Variants in GALNT2 observed in about 807,000 individuals in gnomAD.
GALNT2 encodes the protein polypeptide N-acetylgalactosaminyltransferase 2, also known as UDP-GalNAc:polypeptide N-acetylgalactosaminyltransferase 2.
In GALNT2, 31 loss-of-function variants were observed where a neutral mutation model predicts 81.4. The observed-to-expected ratio is 0.38, with a 90% CI of 0.29 to 0.51. GALNT2 has a LOEUF of 0.51. Ranked by LOEUF, GALNT2 falls within the 20% of genes least tolerant of loss-of-function variation. The pLI, the probability that GALNT2 is intolerant of heterozygous loss-of-function variation, is 0.87. For synonymous variants in GALNT2, 303 were observed against 287.4 expected (o/e 1.05, Z -0.55); for missense variants, 629 against 765.7 (o/e 0.82, Z 2.11).
intron 10 of GALNT2, among the ~76,000 whole-genome samples, 153 bp downstream of exon 10, chr1:230,250,713 C>G (rs191710101): frequency 4.6e-5 from 7 of 152,268 alleles, no homozygotes; most frequent in Non-Finnish European, 4.4e-5. Flanking sequence ...CCCTTTTGCT[C>G]TTGAAAGTCT....
At chr1:230,253,814 A>G (rs2102751680) in intron 10 of GALNT2, among the ~76,000 whole-genome samples, 1 of 152,316 alleles carries the variant, frequency 6.6e-6, no homozygotes, top group South Asian at 2.1e-4. Flanking sequence ...TATCCTTGAA[A>G]AAATCCCTAC....
chr1:230,103,719 A>G lies in GALNT2; in HGVS notation c.126+36313A>G, dbSNP rs940751714. 1.0e-4 allele frequency among the ~76,000 whole-genome samples: 14 copies of G among 140,698 alleles called. 2 individuals carry two copies. The highest frequency in any genetic ancestry group is 9.7e-4 in the Admixed American group (14 of 14,430). The allele number at this position is 140,698 out of a possible 152,430, so 92.3% of individuals were successfully genotyped here. A position where few individuals can be genotyped will look rare whatever the true frequency, so the allele number is the denominator to read the frequency against. On this transcript the variant is annotated intron_variant, in intron 1 of 15. Coordinates refer to ENST00000366672, the MANE Select transcript of GALNT2 (RefSeq NM_004481.5). ...CCATCCCTCCAAAACCACACACACAAAGCCAAAAGGAAAAAAAAAAAGCAC... is the reference window on the plus strand; with the variant it reads ...CCATCCCTCCAAAACCACACACACAGAGCCAAAAGGAAAAAAAAAAAGCAC...
chr1:230,247,224 C>T (rs1333342701), intron 8 of GALNT2, among the ~76,000 whole-genome samples: 1 of 152,160 alleles, frequency 6.6e-6, no homozygotes, highest in Non-Finnish European at 1.5e-5. Flanking sequence ...CTTATTCATA[C>T]ACACACACAT....
intron 1 of GALNT2, among the ~76,000 whole-genome samples, chr1:230,094,263 G>A (rs1660178912): frequency 7.1e-6 from 1 of 141,044 alleles, no homozygotes; most frequent in African/African-American, 2.7e-5. Flanking sequence ...CTCCCACCTT[G>A]GCCTCTTAAA....
At chr1:230,229,805 C>G (rs547422699) in intron 3 of GALNT2, among the ~76,000 whole-genome samples, 1 of 152,166 alleles carries the variant, frequency 6.6e-6, no homozygotes, top group African/African-American at 2.4e-5. Context: ...ACAGTGCCAT[C>G]CCTGCAAACT....
chr1:230,220,126 A>G (rs971611479), intron 3 of GALNT2, among the ~76,000 whole-genome samples: 2 of 152,212 alleles, frequency 1.3e-5, no homozygotes, highest in East Asian at 1.9e-4. Flanking sequence ...CTTGTACTCA[A>G]ACACACTAAT....
chr1:230,138,572 A>G (rs1470314054), intron 1 of GALNT2, among the ~76,000 whole-genome samples: 3 of 151,650 alleles, frequency 2.0e-5, no homozygotes, highest in Admixed American at 2.0e-4. Flanking sequence ...TGGCCACTCC[A>G]TAGGCAGAGC....
Position 230,243,461 on chromosome 1 carries a change from CGTGG to C in GALNT2, c.729+39_729+42del. 3 of 1,603,812 alleles carry C rather than the reference CGTGG, an allele frequency of 1.9e-6. No individual in the cohort carries two copies. Among genetic ancestry groups the C allele is most frequent in the Non-Finnish European group, 2.5e-6 (3 of 1,178,550 alleles). On this transcript the variant is annotated intron_variant, in intron 7 of 15. Coordinates refer to ENST00000366672, the MANE Select transcript of GALNT2 (RefSeq NM_004481.5). This position sits in a 1 kb window ranked among gnomAD's most constrained non-coding sequence, Gnocchi z 4.2. ...ACGGGGGCTGGGAGGGGTGTCAGGT[CGTGG>C]GTGGTTGGTAGAGGGGACAGAAGGG...
At chr1:230,122,544 T>A (rs1314446993) in intron 1 of GALNT2, among the ~76,000 whole-genome samples, 1 of 151,910 alleles carries the variant, frequency 6.6e-6, no homozygotes, top group Non-Finnish European at 1.5e-5. Flanking sequence ...TTTGACAAAA[T>A]TTTCCCCCCA....
chr1:230,152,961 C>T (rs186399588), intron 1 of GALNT2, among the ~76,000 whole-genome samples: 1 of 152,378 alleles, frequency 6.6e-6, no homozygotes, highest in African/African-American at 2.4e-5. Flanking sequence ...CTCCATCTTT[C>T]TGTGCCTTCA....
At chr1:230,157,055 G>C (rs891858752) in intron 1 of GALNT2, among the ~76,000 whole-genome samples, 1 of 152,212 alleles carries the variant, frequency 6.6e-6, no homozygotes, top group African/African-American at 2.4e-5. Context: ...CCCTGCAGGA[G>C]TAAATAAGAC....
At chr1:230,230,296 CAA>C (rs1664831362) in intron 3 of GALNT2, among the ~76,000 whole-genome samples, 1 of 151,960 alleles carries the variant, frequency 6.6e-6, no homozygotes, top group Non-Finnish European at 1.5e-5. Flanking sequence ...ACTCAATTTA[CAA>C]ATCGAATGTA....
intron 1 of GALNT2, among the ~76,000 whole-genome samples, chr1:230,158,368 T>C (rs985071361): frequency 3.3e-5 from 5 of 152,254 alleles, no homozygotes; most frequent in African/African-American, 1.2e-4. Flanking sequence ...GATTACATTA[T>C]ATATGCACTG....
chr1:230,280,102 T>C lies in GALNT2; in HGVS notation c.*644T>C. The C allele has an allele frequency of 2.3e-6, 1 of 429,356 alleles. No individual in the cohort carries two copies. The highest frequency in any genetic ancestry group is 1.6e-5 in the South Asian group (1 of 61,152). 26.6% of individuals were successfully genotyped at this position (429,356 alleles called of 1,614,324 possible). On this transcript the variant is annotated 3_prime_UTR_variant, in exon 16 of 16. Coordinates refer to ENST00000366672, the MANE Select transcript of GALNT2 (RefSeq NM_004481.5). The stretch of plus-strand genomic sequence containing the variant: ...AGAATGTACGGTCAGTTCCCTATGG[T>C]TTCTGTAGATCATCGTCATCTTGTA...
At chr1:230,083,114 A>T (rs370667998) in intron 1 of GALNT2, among the ~76,000 whole-genome samples, 2 of 136,862 alleles carry the variant, frequency 1.5e-5, no homozygotes, top group Non-Finnish European at 3.1e-5. Context: ...GCAGGGAGCC[A>T]GGATGATGGA....
At chr1:230,063,128 T>C (rs1571917025), upstream of GALNT2, among the ~76,000 whole-genome samples, 1 of 152,096 alleles carries the variant, frequency 6.6e-6, no homozygotes, top group Non-Finnish European at 1.5e-5. Context: ...CTGGCCAATA[T>C]GGTGAAACCC....
At chr1:230,130,722 C>T (rs572151971) in intron 1 of GALNT2, among the ~76,000 whole-genome samples, 1 of 152,346 alleles carries the variant, frequency 6.6e-6, no homozygotes, top group Admixed American at 6.5e-5. Flanking sequence ...AATTTACACT[C>T]CAGCAGGTTT....
intron 3 of GALNT2, among the ~76,000 whole-genome samples, chr1:230,224,699 A>G (rs1664653294): frequency 6.6e-6 from 1 of 152,180 alleles, no homozygotes; most frequent in South Asian, 2.1e-4. Context: ...GTGTTTGGTG[A>G]GCGAAGAGTG....
intron 4 of GALNT2, 115 bp downstream of exon 4, chr1:230,236,227 G>A (rs889104788): frequency 3.7e-6 from 5 of 1,341,198 alleles, no homozygotes; most frequent in African/African-American, 1.4e-5. Flanking sequence ...TGACTGCTCA[G>A]CACAGGGTGC....
Sources: allele counts gnomAD v4.1 joint callset (sites outside exome capture counted in the v4.1 genomes callset), GRCh38; gene constraint gnomAD v4.1.1; non-coding constraint Gnocchi (gnomAD v3.1); transcripts MANE v1.5; gene names NCBI Gene and HGNC (gene_info 2026-07-23, HGNC 2026-07-21).